The following MCTP2 variants were observed in gnomAD, a reference collection of about 807,000 sequenced individuals.
The protein encoded by MCTP2 is multiple C2 and transmembrane domain containing 2.
In MCTP2, 132 loss-of-function variants were observed where a neutral mutation model predicts 111.6. That is an observed-to-expected ratio of 1.18 (90% CI 1.03 to 1.37). MCTP2 has a LOEUF of 1.37. Among genes scored for constraint, MCTP2 ranks in the 40% most tolerant of loss-of-function variants. The pLI, the probability that MCTP2 is intolerant of heterozygous loss-of-function variation, is 0.00. For missense variants in MCTP2, 1,183 were observed against 1,067.9 expected (o/e 1.11, Z -1.50); for synonymous variants, 395 against 387.7 (o/e 1.02, Z -0.22).
intron 14 of MCTP2, among the ~76,000 whole-genome samples, chr15:94,389,064 A>G (rs968508887): frequency 9.2e-5 from 14 of 152,224 alleles, no homozygotes; most frequent in African/African-American, 3.4e-4. Context: ...TAAGACCCAA[A>G]TAAACATATA....
At chr15:94,369,584 T>C (rs1400845547) in intron 11 of MCTP2, among the ~76,000 whole-genome samples, 1 of 151,986 alleles carries the variant, frequency 6.6e-6, no homozygotes, top group African/African-American at 2.4e-5. Flanking sequence ...ATGAGCTAGC[T>C]AAAACAGACC....
intron 17 of MCTP2, among the ~76,000 whole-genome samples, chr15:94,422,259 A>G (rs955460760): frequency 6.6e-6 from 1 of 152,120 alleles, no homozygotes; most frequent in African/African-American, 2.4e-5. Context: ...TGGATGGGCT[A>G]GTTCCAGGGG....
intron 20 of MCTP2, among the ~76,000 whole-genome samples, chr15:94,467,611 A>AT (rs142970908): frequency 0.022 from 3,282 of 151,830 alleles, 90 homozygotes; most frequent in African/African-American, 0.067. Context: ...AATCTAATTA[A>AT]TTTTTTCTTT....
intron 9 of MCTP2, among the ~76,000 whole-genome samples, chr15:94,357,344 G>T (rs1180419626): frequency 6.6e-6 from 1 of 152,202 alleles, no homozygotes; most frequent in Non-Finnish European, 1.5e-5. Flanking sequence ...TTGCCTCACA[G>T]TGAGGGTATC....
intron 4 of MCTP2, among the ~76,000 whole-genome samples, chr15:94,316,891 T>C (rs1462488149): frequency 6.6e-6 from 1 of 152,172 alleles, no homozygotes; most frequent in Non-Finnish European, 1.5e-5. Context: ...CTCTATTCTG[T>C]TTTGGAACAT....
intron 8 of MCTP2, among the ~76,000 whole-genome samples, chr15:94,353,315 G>A (rs542182604): frequency 8.1e-4 from 124 of 152,224 alleles, no homozygotes; most frequent in Non-Finnish European, 1.5e-3. Context: ...GCCAAGTCGC[G>A]CCTGCTACAG....
chr15:94,293,586 C>G (rs1354215155), intron 1 of MCTP2, among the ~76,000 whole-genome samples: 1 of 152,202 alleles, frequency 6.6e-6, no homozygotes, highest in Non-Finnish European at 1.5e-5. Context: ...CTTCCTACAC[C>G]TCGGTGCCCA....
chr15:94,389,405 G>C (rs1292908650), intron 14 of MCTP2, among the ~76,000 whole-genome samples: 2 of 152,142 alleles, frequency 1.3e-5, no homozygotes, highest in Non-Finnish European at 2.9e-5. Flanking sequence ...GGGAGCCACT[G>C]AAGATTTTTG....
chr15:94,337,500 T>TTA lies in MCTP2; in HGVS notation c.638-1778_638-1777dup, dbSNP rs200180969. Among the ~76,000 whole-genome samples, 1,245 of 151,564 alleles carry TTA rather than the reference T, an allele frequency of 8.2e-3. 7 individuals carry two copies. The highest frequency in any genetic ancestry group is 0.02 in the East Asian group (104 of 5,158). On this transcript the variant is annotated intron_variant, in intron 4 of 22. Transcript: ENST00000357742. ...TTTATTATAGTTTTCCCCCACTTTT[T>TTA]TATATATATATATCAGAATGATTGT...
In MCTP2 at chr15:94,472,972, A is replaced by T. The variant is rs536819527; in HGVS notation, c.2470+2530A>T. 2.0e-5 allele frequency among the ~76,000 whole-genome samples: 3 copies of T among 152,344 alleles called. No homozygotes were observed. In the South Asian group the frequency reaches 6.2e-4, roughly 32 times the overall value. On this transcript the variant is annotated intron_variant, in intron 21 of 22. Transcript: ENST00000357742. ...TTTAGTGGTTTTTCTAACTTTAAGG[A>T]TCAGAAGACTTTCTTATTCTAAGTT...
chr15:94,356,268 G>T lies in MCTP2; in HGVS notation c.1137G>T (p.Gln379His). Residue 379 changes from glutamine (Q) to histidine (H), a missense_variant, in exon 9 of 23, where the codon CAG becomes CAT. By Grantham distance (24) the Gln-to-His change is conservative. Transcript: ENST00000357742. Reference protein sequence around the residue: ...SGGSMTEMFVQLKLGDQRYKS... With the variant: ...SGGSMTEMFVHLKLGDQRYKS... ...GAAGCATGACAGAGATGTTTGTCCAGTTAAAACTGGGAGATCAGAGGTATA... is the reference window on the plus strand; with the variant it reads ...GAAGCATGACAGAGATGTTTGTCCATTTAAAACTGGGAGATCAGAGGTATA... The T allele has an allele frequency of 6.2e-7, 1 of 1,611,182 alleles. No individual in the cohort carries two copies. Among genetic ancestry groups the T allele is most frequent in the South Asian group, 1.1e-5 (1 of 90,470 alleles).
chr15:94,330,018 T>C (rs2077059816), intron 4 of MCTP2, among the ~76,000 whole-genome samples: 2 of 152,208 alleles, frequency 1.3e-5, no homozygotes, highest in South Asian at 4.1e-4. Flanking sequence ...TGTATTTGAT[T>C]TCTTTTTAGA....
In MCTP2 at chr15:94,356,141, C is replaced by T. The variant is rs748897863; in HGVS notation, c.1010C>T (p.Ser337Phe). The T allele has an allele frequency of 6.3e-7, 1 of 1,591,112 alleles. No individual in the cohort carries two copies. Among genetic ancestry groups the T allele is most frequent in the African/African-American group, 1.4e-5 (1 of 73,724 alleles). The stretch of plus-strand genomic sequence containing the variant: ...CATCTTTATTTTTTGCTTTAGTCCT[C>T]TTTGATACGCAACCTACGGCTCTCT... ...NRKRLSASKS[S>F]LIRNLRLSES... is the part of the protein sequence containing the mutation. Residue 337 changes from serine (S) to phenylalanine (F), a missense_variant, in exon 9 of 23, where the codon TCT becomes TTT. Transcript: ENST00000357742.
chr15:94,434,608 T>A (rs1450513717), intron 17 of MCTP2, among the ~76,000 whole-genome samples: 1 of 152,074 alleles, frequency 6.6e-6, no homozygotes, highest in Non-Finnish European at 1.5e-5. Flanking sequence ...CTAGTGCCAG[T>A]GTTTAAAAAA....
At chr15:94,257,268 A>G (rs934717867) in intron 1 of MCTP2, among the ~76,000 whole-genome samples, 4 of 152,038 alleles carry the variant, frequency 2.6e-5, no homozygotes, top group Admixed American at 2.0e-4. Context: ...AAACATATAT[A>G]TCCTCATGGG....
chr15:94,313,979 C>T (rs143142924), intron 2 of MCTP2, among the ~76,000 whole-genome samples: 14 of 152,330 alleles, frequency 9.2e-5, no homozygotes, highest in African/African-American at 3.4e-4. Flanking sequence ...GCTGTGCTGC[C>T]CCGCTGCTTT....
At chr15:94,236,106 C>T (rs2152209444) in intron 1 of MCTP2, among the ~76,000 whole-genome samples, 1 of 152,210 alleles carries the variant, frequency 6.6e-6, no homozygotes, top group Admixed American at 6.5e-5. Flanking sequence ...ATTAAGGGCT[C>T]CTATGGATTA....
chr15:94,343,627 A>C (rs3179952), intron 7 of MCTP2: 1 of 152,170 alleles, frequency 6.6e-6, no homozygotes, highest in Non-Finnish European at 1.5e-5. Context: ...TTTTTGTGGC[A>C]AAAAACAGGA....
In MCTP2 at chr15:94,436,635, C is replaced by T. The variant is rs749346299; in HGVS notation, c.2086-3541C>T. ...TAGCAAATGAGGTGTTTACCTAAAA[C>T]AACCATCTCCTTAATACTGGTGGTT... On this transcript the variant is annotated intron_variant, in intron 17 of 22. Transcript: ENST00000357742. 5.5e-4 allele frequency among the ~76,000 whole-genome samples: 83 copies of T among 152,154 alleles called. 1 individual carries two copies. Among genetic ancestry groups the T allele is most frequent in the Admixed American group, 2.0e-4 (3 of 15,284 alleles).
Sources: allele counts gnomAD v4.1 joint callset (sites outside exome capture counted in the v4.1 genomes callset), GRCh38; gene constraint gnomAD v4.1.1; transcripts MANE v1.5; gene names NCBI Gene and HGNC (gene_info 2026-07-23, HGNC 2026-07-21).